MAPKAP1: variants seen among roughly 807,000 people sequenced by gnomAD.
MAPKAP1 encodes the protein target of rapamycin complex 2 subunit MAPKAP1.
In MAPKAP1, 20 loss-of-function variants were observed where a neutral mutation model predicts 65.7. The observed-to-expected ratio is 0.30, with a 90% CI of 0.21 to 0.44. The LOEUF (loss-of-function observed/expected upper bound fraction) is 0.44, where lower values mean the gene tolerates loss of function less well. MAPKAP1 is among the 20% of genes least tolerant of loss of function. The pLI, the probability that MAPKAP1 is intolerant of heterozygous loss-of-function variation, is 1.00. For missense variants in MAPKAP1, 423 were observed against 648.0 expected (o/e 0.65, Z 3.77); for synonymous variants, 222 against 244.3 (o/e 0.91, Z 0.85).
At chr9:125,487,171 G>A (rs1002151613) in intron 8 of MAPKAP1, among the ~76,000 whole-genome samples, 2 of 152,148 alleles carry the variant, frequency 1.3e-5, no homozygotes, top group African/African-American at 4.8e-5. Flanking sequence ...CCAGGACACT[G>A]CAGAGCTTCA....
intron 4 of MAPKAP1, among the ~76,000 whole-genome samples, chr9:125,594,588 C>T (rs1331139658): frequency 2.0e-5 from 3 of 152,210 alleles, no homozygotes; most frequent in Non-Finnish European, 4.4e-5. Flanking sequence ...CAAATATCAC[C>T]TCTTCCAAGA....
intron 7 of MAPKAP1, among the ~76,000 whole-genome samples, chr9:125,507,989 G>A (rs920273897): frequency 6.6e-6 from 1 of 152,032 alleles, no homozygotes; most frequent in Non-Finnish European, 1.5e-5. Flanking sequence ...GGGCCACACA[G>A]TAACAACAAC....
At chr9:125,464,283 A>G (rs1370040473) in intron 10 of MAPKAP1, among the ~76,000 whole-genome samples, 1 of 151,484 alleles carries the variant, frequency 6.6e-6, no homozygotes, top group Non-Finnish European at 1.5e-5. Flanking sequence ...CCCTAAGAAA[A>G]TTTAAACATG....
At chr9:125,645,370 A>G (rs922390815) in intron 4 of MAPKAP1, among the ~76,000 whole-genome samples, 1 of 152,230 alleles carries the variant, frequency 6.6e-6, no homozygotes, top group Non-Finnish European at 1.5e-5. Context: ...GCAGATGACA[A>G]TGGAGTTTTA....
chr9:125,498,567 GA>G (rs1302129185), intron 8 of MAPKAP1, among the ~76,000 whole-genome samples: 1 of 151,988 alleles, frequency 6.6e-6, no homozygotes, highest in Non-Finnish European at 1.5e-5. Context: ...ATGATGGAAA[GA>G]AAAATAAATA....
chr9:125,692,497 GAA>G (rs992411628), intron 1 of MAPKAP1, among the ~76,000 whole-genome samples: 2 of 152,188 alleles, frequency 1.3e-5, no homozygotes, highest in Admixed American at 1.3e-4. Context: ...GCAGGAGGAG[GAA>G]AAGTGGAGTG....
At chr9:125,467,292 G>C (rs1333771636) in intron 10 of MAPKAP1, among the ~76,000 whole-genome samples, 1 of 152,160 alleles carries the variant, frequency 6.6e-6, no homozygotes. Flanking sequence ...GATAGGACTG[G>C]AGTCCTAAAA....
intron 6 of MAPKAP1, among the ~76,000 whole-genome samples, chr9:125,547,341 C>A (rs1753336215): frequency 6.6e-6 from 1 of 152,096 alleles, no homozygotes; most frequent in Non-Finnish European, 1.5e-5. Context: ...AGGCAGCATA[C>A]TGGAGAGGAA....
intron 7 of MAPKAP1, among the ~76,000 whole-genome samples, chr9:125,535,603 T>TA (rs1048676998): frequency 7.9e-5 from 12 of 152,294 alleles, no homozygotes; most frequent in South Asian, 6.2e-4. Context: ...TCTCCCATGT[T>TA]AGAGTTGAGG....
At chr9:125,660,600 C>T (rs1169963818) in intron 3 of MAPKAP1, among the ~76,000 whole-genome samples, 1 of 152,148 alleles carries the variant, frequency 6.6e-6, no homozygotes, top group Non-Finnish European at 1.5e-5. Flanking sequence ...TGTTACCTAT[C>T]CATAACCAAA....
At position 125,583,864 on chromosome 9, in the gene MAPKAP1, C is replaced by T. The variant is rs191540029; in HGVS notation, c.671+1691G>A. On this transcript the variant is annotated intron_variant, in intron 5 of 11. Transcript: ENST00000265960. ...GGATCACGAGGTCAGGAGATCGAGA[C>T]CATCCTGGTTAACACGGTGAAACCC... Among the ~76,000 whole-genome samples, 191 of 152,266 alleles carry T rather than the reference C, an allele frequency of 1.3e-3. 1 individual carries two copies. The East Asian group carries it at 0.013, about 11-fold the overall frequency.
chr9:125,625,236 T>TAAAA (rs148061530), intron 4 of MAPKAP1, among the ~76,000 whole-genome samples: 4 of 54,436 alleles, frequency 7.3e-5, no homozygotes, highest in African/African-American at 2.2e-4. Flanking sequence ...GAATTATCAA[T>TAAAA]AAAAAAAAAA....
chr9:125,467,870 G>GA, intron 10 of MAPKAP1, 102 bp downstream of exon 10: 7 of 1,305,090 alleles, frequency 5.4e-6, no homozygotes, highest in Middle Eastern at 2.0e-4. Flanking sequence ...CAGACCCAAG[G>GA]AAAAAAGGAC....
chr9:125,584,410 T>C (rs1306340313), intron 5 of MAPKAP1, among the ~76,000 whole-genome samples: 2 of 152,166 alleles, frequency 1.3e-5, no homozygotes, highest in African/African-American at 4.8e-5. Flanking sequence ...ATACTAACTC[T>C]GAAAATGTGA....
At chr9:125,626,285 A>G (rs976455041) in intron 4 of MAPKAP1, among the ~76,000 whole-genome samples, 1 of 152,210 alleles carries the variant, frequency 6.6e-6, no homozygotes, top group Non-Finnish European at 1.5e-5. Context: ...CTGCTCAGCA[A>G]CTGCTTCTGT....
At chr9:125,540,229 G>A (rs535593406) in intron 7 of MAPKAP1, among the ~76,000 whole-genome samples, 1 of 152,342 alleles carries the variant, frequency 6.6e-6, no homozygotes, top group South Asian at 2.1e-4. Context: ...TGAAAACTGG[G>A]GAAGGAGTGC....
intron 9 of MAPKAP1, among the ~76,000 whole-genome samples, chr9:125,469,680 G>A (rs1853824819): frequency 6.6e-6 from 1 of 152,150 alleles, no homozygotes; most frequent in Non-Finnish European, 1.5e-5. Flanking sequence ...TTTGTCATTA[G>A]ACCTATTTCA....
chr9:125,685,532 G>A (rs1411166460), intron 1 of MAPKAP1, among the ~76,000 whole-genome samples: 1 of 152,234 alleles, frequency 6.6e-6, no homozygotes, highest in Non-Finnish European at 1.5e-5. Context: ...CAAGTGAAAT[G>A]AGGGGTCACT....
intron 8 of MAPKAP1, among the ~76,000 whole-genome samples, chr9:125,487,495 G>A (rs1358340405): frequency 6.6e-6 from 1 of 151,566 alleles, no homozygotes; most frequent in Admixed American, 6.6e-5. Flanking sequence ...GCTATTATTA[G>A]ATACAATTTA....
Sources: allele counts gnomAD v4.1 joint callset (sites outside exome capture counted in the v4.1 genomes callset), GRCh38; gene constraint gnomAD v4.1.1; transcripts MANE v1.5; gene names NCBI Gene and HGNC (gene_info 2026-07-23, HGNC 2026-07-21).